Variants in SPECC1 observed in about 807,000 individuals in gnomAD.
SPECC1 encodes sperm antigen with calponin homology and coiled-coil domains 1.
SPECC1 carries 62 observed loss-of-function variants against 104.1 expected under a neutral mutation model. That is an observed-to-expected ratio of 0.60 (90% CI 0.49 to 0.74). The LOEUF (loss-of-function observed/expected upper bound fraction) is 0.74, where lower values mean the gene tolerates loss of function less well. SPECC1 is among the 30% of genes least tolerant of loss of function. SPECC1 has a pLI of 0.00. For synonymous variants in SPECC1, 513 were observed against 501.6 expected (o/e 1.02, Z -0.30); for missense variants, 1,306 against 1,310.5 (o/e 1.00, Z 0.05).
intron 1 of SPECC1, among the ~76,000 whole-genome samples, chr17:20,051,036 A>G (rs1417259110): frequency 6.6e-6 from 1 of 151,818 alleles, no homozygotes. Context: ...TAGGTCCCAA[A>G]TAAGCACTTG....
intron 1 of SPECC1, among the ~76,000 whole-genome samples, chr17:20,011,201 T>C (rs1349693593): frequency 1.3e-5 from 2 of 152,234 alleles, no homozygotes; most frequent in African/African-American, 2.4e-5. Flanking sequence ...AGAAGAATTA[T>C]CTGTTCCCTC....
At chr17:20,286,294 G>A (rs941513129) in intron 12 of SPECC1, among the ~76,000 whole-genome samples, 2 of 152,170 alleles carry the variant, frequency 1.3e-5, no homozygotes, top group African/African-American at 4.8e-5. Flanking sequence ...GAAAATACCA[G>A]AAGGTAACAG....
At chr17:20,081,695 GAAT>G (rs1275082965) in intron 1 of SPECC1, among the ~76,000 whole-genome samples, 1 of 152,118 alleles carries the variant, frequency 6.6e-6, no homozygotes, top group African/African-American at 2.4e-5. Flanking sequence ...GATCTGTCCG[GAAT>G]GTAGAGCCCA....
chr17:20,238,069 T>C, intron 7 of SPECC1: 3 of 1,024,708 alleles, frequency 2.9e-6, no homozygotes, highest in Middle Eastern at 4.7e-4. Flanking sequence ...ATTGAGCCCC[T>C]TCACTTGGAG....
At chr17:20,297,330 A>G (rs1266004696) in intron 13 of SPECC1, among the ~76,000 whole-genome samples, 1 of 152,214 alleles carries the variant, frequency 6.6e-6, no homozygotes, top group African/African-American at 2.4e-5. Flanking sequence ...GCCTATTCCA[A>G]AGAACCAGCA....
chr17:20,317,757 T>A lies in SPECC1; in HGVS notation c.*3692T>A, dbSNP rs937344787. The stretch of plus-strand genomic sequence containing the variant: ...ACACAAAAAAAAGAAATACAGGTGG[T>A]GTTTTGGGGAAGGGAAGGTTCTGCT... On this transcript the variant is annotated 3_prime_UTR_variant, in exon 15 of 15. Coordinates refer to ENST00000395527, the MANE Select transcript of SPECC1 (RefSeq NM_001243439.2). 1 of 219,870 alleles carries A rather than the reference T, an allele frequency of 4.5e-6. No homozygotes were observed. Among genetic ancestry groups the A allele is most frequent in the Non-Finnish European group, 9.1e-6 (1 of 110,012 alleles). 13.6% of individuals were successfully genotyped at this position (219,870 alleles called of 1,614,324 possible). A position where few individuals can be genotyped will look rare whatever the true frequency, so the allele number is the denominator to read the frequency against.
chr17:20,167,454 C>T (rs1003720733), intron 3 of SPECC1, among the ~76,000 whole-genome samples: 2 of 151,958 alleles, frequency 1.3e-5, no homozygotes, highest in Non-Finnish European at 2.9e-5. Flanking sequence ...CCGAGATGGG[C>T]GGATCACCAA....
intron 3 of SPECC1, among the ~76,000 whole-genome samples, chr17:20,165,799 A>G (rs1367128336): frequency 6.6e-6 from 1 of 152,118 alleles, no homozygotes; most frequent in Non-Finnish European, 1.5e-5. Flanking sequence ...ATAATCAGTG[A>G]TGTTGAACTA....
intron 7 of SPECC1, chr17:20,237,049 C>T (rs1194961630): frequency 2.0e-6 from 3 of 1,474,562 alleles, no homozygotes; most frequent in Admixed American, 2.4e-5. Context: ...CGTCGAGTCT[C>T]TGCTTTTTGT....
chr17:20,186,607 A>C (rs2035297129), intron 3 of SPECC1, among the ~76,000 whole-genome samples: 1 of 152,212 alleles, frequency 6.6e-6, no homozygotes, highest in South Asian at 2.1e-4. Flanking sequence ...CCCATCGCTC[A>C]GGCTGAAGTG....
intron 3 of SPECC1, among the ~76,000 whole-genome samples, chr17:20,168,159 A>G (rs1224708923): frequency 1.3e-5 from 2 of 152,238 alleles, no homozygotes; most frequent in African/African-American, 4.8e-5. Context: ...AAGCTTTTCA[A>G]AGATGGTATG....
At chr17:20,023,503 G>A (rs62067479) in intron 1 of SPECC1, among the ~76,000 whole-genome samples, 1 of 152,106 alleles carries the variant, frequency 6.6e-6, no homozygotes, top group Non-Finnish European at 1.5e-5. Flanking sequence ...GCCAGGACAC[G>A]GGAGAGCACA....
chr17:20,021,700 A>T (rs185752666), intron 1 of SPECC1, among the ~76,000 whole-genome samples: 17,552 of 101,376 alleles, frequency 0.17, 1,492 homozygotes, highest in African/African-American at 0.28. Flanking sequence ...ATATATATAT[A>T]TATTTTTTTG....
intron 1 of SPECC1, among the ~76,000 whole-genome samples, chr17:20,064,962 C>T (rs2046310890): frequency 6.6e-6 from 1 of 152,138 alleles, no homozygotes; most frequent in Non-Finnish European, 1.5e-5. Context: ...AGTCAAGTTC[C>T]TCTTAGTAGA....
At chr17:20,262,274 G>A (rs537037875) in intron 12 of SPECC1, among the ~76,000 whole-genome samples, 32 of 152,286 alleles carry the variant, frequency 2.1e-4, no homozygotes, top group African/African-American at 5.8e-4. Flanking sequence ...GTTCTTGTGC[G>A]TATTTCCTGA....
intron 10 of SPECC1, among the ~76,000 whole-genome samples, chr17:20,254,467 C>T (rs1338429206): frequency 3.3e-5 from 5 of 152,088 alleles, no homozygotes; most frequent in East Asian, 1.9e-4. Flanking sequence ...CACATTAAAG[C>T]GCCTTGAACA....
chr17:20,036,508 G>A (rs904937469), intron 1 of SPECC1, among the ~76,000 whole-genome samples: 1 of 152,254 alleles, frequency 6.6e-6, no homozygotes, highest in Non-Finnish European at 1.5e-5. Context: ...AGTAATATAC[G>A]TTGTGCTAAT....
chr17:20,111,063 C>T (rs116730405), intron 3 of SPECC1, among the ~76,000 whole-genome samples: 2,050 of 152,262 alleles, frequency 0.013, 37 homozygotes, highest in African/African-American at 0.047. Flanking sequence ...CAGTGTTACT[C>T]ATTTTTTAAG....
chr17:20,164,336 AT>A (rs1045938941), intron 3 of SPECC1, among the ~76,000 whole-genome samples: 8 of 149,308 alleles, frequency 5.4e-5, no homozygotes, highest in Admixed American at 6.7e-5. Flanking sequence ...ATTAAAAAAA[AT>A]TTTTTTTTTG....
Sources: gnomAD v4.1 joint callset for allele counts (sites outside exome capture counted in the v4.1 genomes callset) on GRCh38, gnomAD v4.1.1 for gene constraint, MANE v1.5 for transcripts, NCBI Gene and HGNC (gene_info 2026-07-23, HGNC 2026-07-21) for gene names.